Variants in ZNF724 observed in about 807,000 individuals in gnomAD.
ZNF724 encodes zinc finger protein 724.
Under a neutral mutation model 29.3 loss-of-function variants are expected in ZNF724, and 14 were observed. That is an observed-to-expected ratio of 0.48 (90% CI 0.32 to 0.75). The LOEUF (loss-of-function observed/expected upper bound fraction) is 0.75. ZNF724 is among the 30% of genes least tolerant of loss of function. The pLI, the probability that ZNF724 is intolerant of heterozygous loss-of-function variation, is 0.04. For missense variants in ZNF724, 557 were observed against 571.2 expected, an observed-to-expected ratio of 0.98 and a Z score of 0.25; for synonymous variants, 180 against 193.6, an observed-to-expected ratio of 0.93 and a Z score of 0.58.
Position 23,227,899 on chromosome 19 carries a change from T to C in ZNF724, c.226+3367A>G, listed in dbSNP as rs144687107. On this transcript the variant is annotated intron_variant, in intron 3 of 3. Transcript: ENST00000418100. ...TCTAAAATTACAGACAAATTTGAAATAGAAAATAGAAAAATGAATAGAGTG... is the reference window on the plus strand; with the variant it reads ...TCTAAAATTACAGACAAATTTGAAACAGAAAATAGAAAAATGAATAGAGTG... 4.3e-3 allele frequency among the ~76,000 whole-genome samples: 654 copies of C among 152,186 alleles called. 7 individuals are homozygous for C. The highest frequency in any genetic ancestry group is 0.015 in the African/African-American group (631 of 41,522).
chr19:23,227,555 C>CAAAAAAAG (rs1971856496), intron 3 of ZNF724, among the ~76,000 whole-genome samples: 2 of 76,072 alleles, frequency 2.6e-5, no homozygotes, highest in African/African-American at 9.0e-5. Flanking sequence ...GGCTCCATCT[C>CAAAAAAAG]AAAAAAAAAA....
intron 1 of ZNF724, among the ~76,000 whole-genome samples, chr19:23,249,215 T>C (rs1187007279): frequency 1.3e-5 from 2 of 150,810 alleles, no homozygotes; most frequent in Admixed American, 1.3e-4. Context: ...TTTGATTAAA[T>C]TATTTAATAT....
At chr19:23,238,978 G>A (rs569274852) in intron 1 of ZNF724, among the ~76,000 whole-genome samples, 22 of 152,294 alleles carry the variant, frequency 1.4e-4, no homozygotes, top group Admixed American at 7.8e-4. Context: ...GCAGACTGTA[G>A]GTTCAGGCAT....
At position 23,243,475 on chromosome 19, in the gene ZNF724, C is replaced by CAAAAAA. The variant is rs61241201; in HGVS notation, c.3+6759_3+6764dup. 3.2e-4 allele frequency among the ~76,000 whole-genome samples: 10 copies of CAAAAAA among 31,206 alleles called. 2 individuals are homozygous for CAAAAAA. The highest frequency in any genetic ancestry group is 1.2e-3 in the African/African-American group (8 of 6,506). The allele number at this position is 31,206 out of a possible 152,430, so 20.5% of individuals were successfully genotyped here. ...TGAGTGACAGAGCGAGAGTCCATCTCAAAAAAAAAAAAAAAAAAAAAAAAA... is the reference window on the plus strand; with the variant it reads ...TGAGTGACAGAGCGAGAGTCCATCTCAAAAAAAAAAAAAAAAAAAAAAAAAAAAAAA... On this transcript the variant is annotated intron_variant, in intron 1 of 3. Transcript: ENST00000418100.
chr19:23,237,781 C>T (rs951257874), intron 1 of ZNF724, among the ~76,000 whole-genome samples: 1 of 149,832 alleles, frequency 6.7e-6, no homozygotes, highest in Non-Finnish European at 1.5e-5. Flanking sequence ...ACAAACACTA[C>T]ACATAACCAT....
At chr19:23,237,200 T>A (rs925055849) in intron 1 of ZNF724, among the ~76,000 whole-genome samples, 1 of 152,174 alleles carries the variant, frequency 6.6e-6, no homozygotes, top group Non-Finnish European at 1.5e-5. Flanking sequence ...TTTGTTTATA[T>A]AGTAAAATAT....
chr19:23,249,974 T>C (rs1972320709), intron 1 of ZNF724, among the ~76,000 whole-genome samples: 1 of 152,176 alleles, frequency 6.6e-6, no homozygotes, highest in Non-Finnish European at 1.5e-5. Flanking sequence ...GGAGAGACGC[T>C]GCGCTGCGGG....
intron 1 of ZNF724, among the ~76,000 whole-genome samples, chr19:23,238,389 A>G (rs559565702): frequency 7.0e-6 from 1 of 142,118 alleles, no homozygotes. Context: ...ACCTTTGCCA[A>G]AGCAAAAACA....
rs199828200 is a variant in ZNF724, at chr19:23,227,580, A to AC, written c.227-3563dup. On this transcript the variant is annotated intron_variant, in intron 3 of 3. Transcript: ENST00000418100. ...CAAAAAAAAAAAAAAACAAAAAAAA[A>AC]CAAGTTAAATTATATTGCTAAATTA... is the stretch of plus-strand genomic sequence containing the variant. 4.3e-3 allele frequency among the ~76,000 whole-genome samples: 647 copies of AC among 149,410 alleles called. 4 individuals are homozygous for AC. The highest frequency in any genetic ancestry group is 9.7e-3 in the East Asian group (49 of 5,036).
chr19:23,232,896 TAAGA>T (rs1971962182), intron 1 of ZNF724, among the ~76,000 whole-genome samples: 1 of 152,056 alleles, frequency 6.6e-6, no homozygotes, highest in Non-Finnish European at 1.5e-5. Flanking sequence ...AAAGAAACCC[TAAGA>T]AAGAAGAGCA....
chr19:23,246,677 G>C (rs774356211), intron 1 of ZNF724, among the ~76,000 whole-genome samples: 1 of 151,576 alleles, frequency 6.6e-6, no homozygotes, highest in Non-Finnish European at 1.5e-5. Context: ...AAAAGAATTA[G>C]CATTAAACTC....
At chr19:23,231,662 T>TA (rs1971935315) in intron 2 of ZNF724, among the ~76,000 whole-genome samples, 1 of 152,084 alleles carries the variant, frequency 6.6e-6, no homozygotes, top group South Asian at 2.1e-4. Flanking sequence ...CTCAGGAATA[T>TA]AAAAAGTCCA....
intron 1 of ZNF724, chr19:23,236,338 G>T (rs1972020471): frequency 6.6e-6 from 1 of 152,126 alleles, no homozygotes; most frequent in Admixed American, 6.6e-5. Context: ...GGCTGAAATT[G>T]CACCTTCACG....
intron 1 of ZNF724, among the ~76,000 whole-genome samples, chr19:23,245,409 C>T (rs1266919713): frequency 6.6e-6 from 1 of 152,208 alleles, no homozygotes; most frequent in African/African-American, 2.4e-5. Context: ...GTCAGGAGAT[C>T]GAGACCATCC....
intron 3 of ZNF724, among the ~76,000 whole-genome samples, chr19:23,230,140 G>A (rs1971910255): frequency 6.6e-6 from 1 of 151,990 alleles, no homozygotes; most frequent in Admixed American, 6.6e-5. Context: ...ATTGATAATA[G>A]CATTAAAATA....
intron 1 of ZNF724, among the ~76,000 whole-genome samples, chr19:23,245,539 G>A (rs1317052010): frequency 6.6e-6 from 1 of 152,120 alleles, no homozygotes; most frequent in Non-Finnish European, 1.5e-5. Flanking sequence ...CGTGAACCCA[G>A]GAGGCGGGGC....
intron 3 of ZNF724, among the ~76,000 whole-genome samples, chr19:23,229,217 A>G (rs1971891967): frequency 6.6e-6 from 1 of 152,114 alleles, no homozygotes; most frequent in Non-Finnish European, 1.5e-5. Flanking sequence ...TCTTGGCTAC[A>G]GACTGAAAAA....
At chr19:23,240,625 G>A (rs189557963) in intron 1 of ZNF724, among the ~76,000 whole-genome samples, 1 of 149,794 alleles carries the variant, frequency 6.7e-6, no homozygotes, top group East Asian at 2.0e-4. Context: ...GCAGATTTAA[G>A]CACATAATTG....
chr19:23,224,482 T>C (rs1404329422), intron 3 of ZNF724, among the ~76,000 whole-genome samples: 1 of 151,952 alleles, frequency 6.6e-6, no homozygotes, highest in East Asian at 1.9e-4. Flanking sequence ...TATAGACATA[T>C]AAATATAAGA....
Sources: gnomAD v4.1 joint callset for allele counts (sites outside exome capture counted in the v4.1 genomes callset) on GRCh38, gnomAD v4.1.1 for gene constraint, MANE v1.5 for transcripts, NCBI Gene and HGNC (gene_info 2026-07-23, HGNC 2026-07-21) for gene names.